Variants in MICU3 observed in about 807,000 individuals in gnomAD.
MICU3 encodes the protein mitochondrial calcium uptake 3.
A neutral mutation model predicts 66.5 loss-of-function variants in MICU3; 62 were observed. The observed-to-expected ratio is 0.93, with a 90% CI of 0.76 to 1.15. The LOEUF (loss-of-function observed/expected upper bound fraction) is 1.15, where lower values mean the gene tolerates loss of function less well. Ranked by LOEUF, MICU3 falls within the 50% of genes most tolerant of loss-of-function variation. The pLI is 0.00. For synonymous variants in MICU3, 308 were observed against 240.7 expected (o/e 1.28, Z -2.59); for missense variants, 779 against 664.4 (o/e 1.17, Z -1.90).
chr8:17,044,420 T>A (rs1814718312), intron 1 of MICU3, among the ~76,000 whole-genome samples: 1 of 152,240 alleles, frequency 6.6e-6, no homozygotes, highest in Non-Finnish European at 1.5e-5. Flanking sequence ...TTCTAGTATC[T>A]TCTTCAGCAG....
intron 1 of MICU3, among the ~76,000 whole-genome samples, chr8:17,063,026 A>G (rs956721029): frequency 6.6e-6 from 1 of 152,202 alleles, no homozygotes; most frequent in African/African-American, 2.4e-5. Flanking sequence ...TATACTATAA[A>G]CATTTTCTAT....
chr8:17,101,052 T>C (rs1801212710), intron 9 of MICU3, among the ~76,000 whole-genome samples: 1 of 151,910 alleles, frequency 6.6e-6, no homozygotes, highest in Admixed American at 6.6e-5. Flanking sequence ...AGGGTTATTA[T>C]CACATTATAA....
At chr8:17,041,245 A>G (rs1253531857) in intron 1 of MICU3, among the ~76,000 whole-genome samples, 3 of 152,078 alleles carry the variant, frequency 2.0e-5, no homozygotes, top group Non-Finnish European at 4.4e-5. Context: ...AGTCTGCAAA[A>G]GCTGAAAAGT....
chr8:17,124,051 G>C (rs964189968), downstream of MICU3, among the ~76,000 whole-genome samples: 4 of 150,102 alleles, frequency 2.7e-5, no homozygotes, highest in Admixed American at 1.3e-4. Context: ...CATATTTCAA[G>C]ATAATATGTT....
chr8:17,119,496 T>C (rs1327939607), intron 14 of MICU3, among the ~76,000 whole-genome samples: 1 of 151,832 alleles, frequency 6.6e-6, no homozygotes, highest in African/African-American at 2.4e-5. Flanking sequence ...AGTATATTCA[T>C]GTATATGTTT....
intron 1 of MICU3, among the ~76,000 whole-genome samples, chr8:17,049,305 A>G (rs923004554): frequency 3.9e-5 from 6 of 152,144 alleles, no homozygotes; most frequent in Non-Finnish European, 2.9e-5. Context: ...CTCCTTGGAC[A>G]TATTTGGAGA....
intron 1 of MICU3, among the ~76,000 whole-genome samples, chr8:17,049,935 A>G (rs887681904): frequency 2.6e-5 from 4 of 151,858 alleles, no homozygotes; most frequent in African/African-American, 9.7e-5. Flanking sequence ...TTTTCACCCT[A>G]GTGTGTATCT....
At chr8:17,058,356 T>A (rs1333962008) in intron 1 of MICU3, among the ~76,000 whole-genome samples, 2 of 152,190 alleles carry the variant, frequency 1.3e-5, no homozygotes, top group Non-Finnish European at 2.9e-5. Context: ...AATATAAGGA[T>A]ATACACCTAA....
chr8:17,106,057 T>G (rs1321818556), intron 11 of MICU3, among the ~76,000 whole-genome samples: 1 of 152,088 alleles, frequency 6.6e-6, no homozygotes, highest in Non-Finnish European at 1.5e-5. Flanking sequence ...ATGTCATGAA[T>G]GGTTAAGAAC....
chr8:17,031,920 A>G (rs1392350090), intron 1 of MICU3, among the ~76,000 whole-genome samples: 1 of 152,082 alleles, frequency 6.6e-6, no homozygotes, highest in African/African-American at 2.4e-5. Context: ...TTTTGTAATT[A>G]TTTGATCATT....
intron 3 of MICU3, among the ~76,000 whole-genome samples, chr8:17,072,291 T>G (rs776002961): frequency 1.3e-5 from 2 of 152,086 alleles, no homozygotes; most frequent in Non-Finnish European, 2.9e-5. Context: ...GGCAGAAAGA[T>G]TGACCTCTCA....
At chr8:17,037,521 G>C (rs1354003159) in intron 1 of MICU3, among the ~76,000 whole-genome samples, 4 of 152,184 alleles carry the variant, frequency 2.6e-5, no homozygotes, top group Non-Finnish European at 5.9e-5. Flanking sequence ...GTATGGAAAC[G>C]CCTGGATGTC....
intron 1 of MICU3, among the ~76,000 whole-genome samples, chr8:17,035,319 G>A (rs1812780210): frequency 2.0e-5 from 3 of 152,238 alleles, no homozygotes; most frequent in Non-Finnish European, 4.4e-5. Flanking sequence ...AACCAAAAAT[G>A]TGGAAGTGAC....
the MICU3 span, among the ~76,000 whole-genome samples, chr8:17,128,117 A>G: frequency 6.6e-6 from 1 of 152,122 alleles, no homozygotes; most frequent in Non-Finnish European, 1.5e-5. Flanking sequence ...CTCTACTGAC[A>G]GTGTGTGAGC....
chr8:17,102,226 A>G (rs867533775), intron 9 of MICU3, among the ~76,000 whole-genome samples: 4 of 151,670 alleles, frequency 2.6e-5, no homozygotes, highest in African/African-American at 9.7e-5. Context: ...TTCCAGACAG[A>G]GGCGCCTCTA....
Position 17,115,037 on chromosome 8 carries a change from T to G in MICU3, c.1366+836T>G, listed in dbSNP as rs866382515. 2.8e-3 allele frequency among the ~76,000 whole-genome samples: 418 copies of G among 148,898 alleles called. 1 individual carries two copies. The highest frequency in any genetic ancestry group is 9.9e-3 in the African/African-American group (401 of 40,354). On this transcript the variant is annotated intron_variant, in intron 12 of 14. Transcript: ENST00000318063. ...GGGAGGCTGAGGCAGGAGAATGGCG[T>G]GAACCCGGGAGGCGGAGCTTGCAGT...
At chr8:17,073,491 A>T (rs371016245) in intron 3 of MICU3, among the ~76,000 whole-genome samples, 3 of 152,218 alleles carry the variant, frequency 2.0e-5, no homozygotes, top group East Asian at 3.9e-4. Context: ...AAACAAGCTC[A>T]GGACTCCCAC....
At chr8:17,047,633 A>G (rs947821085) in intron 1 of MICU3, among the ~76,000 whole-genome samples, 1 of 152,260 alleles carries the variant, frequency 6.6e-6, no homozygotes, top group Non-Finnish European at 1.5e-5. Flanking sequence ...AGACGAATCC[A>G]TCGCAACAGA....
At chr8:17,129,078 G>C in the MICU3 span, among the ~76,000 whole-genome samples, 7 of 152,106 alleles carry the variant, frequency 4.6e-5, no homozygotes, top group Admixed American at 3.9e-4. Context: ...TAGGGGTAAG[G>C]CTACTGTACC....
Sources: gnomAD v4.1 joint callset for allele counts (sites outside exome capture counted in the v4.1 genomes callset) on GRCh38, gnomAD v4.1.1 for gene constraint, MANE v1.5 for transcripts, NCBI Gene and HGNC (gene_info 2026-07-23, HGNC 2026-07-21) for gene names.